Variants in CCDC57 observed in about 807,000 individuals in gnomAD.
The protein encoded by CCDC57 is coiled-coil domain containing 57, also known as coiled-coil domain-containing protein 57.
CCDC57 carries 118 observed loss-of-function variants against 118.9 expected under a neutral mutation model. The ratio of observed to expected loss-of-function variants is 0.99; its 90% CI spans 0.86 to 1.16. CCDC57 has a LOEUF of 1.16. Among genes scored for constraint, CCDC57 ranks in the 50% most tolerant of loss-of-function variants. The pLI is 0.00. For synonymous variants in CCDC57, 527 were observed against 532.9 expected (o/e 0.99, Z 0.15); for missense variants, 1,300 against 1,320.7 (o/e 0.98, Z 0.24).
chr17:82,116,507 T>C (rs1443333088), intron 19 of CCDC57, among the ~76,000 whole-genome samples: 1 of 151,764 alleles, frequency 6.6e-6, no homozygotes, highest in Non-Finnish European at 1.5e-5. Context: ...GCCGAATTCC[T>C]CAGAAGCTCT....
intron 19 of CCDC57, among the ~76,000 whole-genome samples, chr17:82,104,207 C>G (rs895160650): frequency 1.2e-4 from 18 of 152,378 alleles, no homozygotes; most frequent in Admixed American, 3.3e-4. Context: ...TTTTGCCGAG[C>G]CTGGCCGGGA....
intron 16 of CCDC57, among the ~76,000 whole-genome samples, chr17:82,141,597 C>A (rs2040019354): frequency 6.6e-6 from 1 of 152,190 alleles, no homozygotes. Context: ...TCTCGCTGCA[C>A]CTATGGAAAT....
chr17:82,206,659 G>GT (rs767495030), intron 2 of CCDC57, among the ~76,000 whole-genome samples: 31 of 152,138 alleles, frequency 2.0e-4, no homozygotes, highest in Middle Eastern at 6.8e-3. Context: ...ACTGTTACAC[G>GT]TATGTGTTTC....
At chr17:82,107,162 G>A (rs1042586283) in intron 19 of CCDC57, among the ~76,000 whole-genome samples, 2 of 152,228 alleles carry the variant, frequency 1.3e-5, no homozygotes, top group Admixed American at 1.3e-4. Context: ...CCACATGCCT[G>A]GCCAAAGGCC....
At chr17:82,102,057 C>T (rs1354899306) in intron 19 of CCDC57, among the ~76,000 whole-genome samples, 191 bp from the exon 19 acceptor site, 1 of 152,248 alleles carries the variant, frequency 6.6e-6, no homozygotes, top group Non-Finnish European at 1.5e-5. Flanking sequence ...GAGCTGTGGC[C>T]TCGCCTTGCT....
chr17:82,161,838 G>C (rs564798464), intron 14 of CCDC57, among the ~76,000 whole-genome samples: 3 of 152,218 alleles, frequency 2.0e-5, no homozygotes, highest in South Asian at 4.2e-4. Flanking sequence ...GCGACATTGT[G>C]AATGTGCTTA....
intron 16 of CCDC57, among the ~76,000 whole-genome samples, chr17:82,151,127 G>A (rs1177172286): frequency 1.9e-4 from 18 of 95,614 alleles, no homozygotes; most frequent in African/African-American, 2.9e-4. Flanking sequence ...AGAACCAGGC[G>A]CACACCCAGA....
At chr17:82,144,535 C>G (rs951624377) in intron 16 of CCDC57, among the ~76,000 whole-genome samples, 10 of 152,142 alleles carry the variant, frequency 6.6e-5, no homozygotes, top group African/African-American at 2.2e-4. Context: ...GAGTATAAAG[C>G]CTTGTGTCCG....
chr17:82,201,796 A>T (rs774978936), exon 3 of CCDC57: 6 of 1,613,582 alleles, frequency 3.7e-6, no homozygotes, highest in Non-Finnish European at 5.1e-6. Flanking sequence ...CAGGCACCGC[A>T]GTTTCCCCTG....
chr17:82,179,028 T>C, exon 10 of CCDC57: 2 of 1,613,450 alleles, frequency 1.2e-6, no homozygotes, highest in African/African-American at 2.7e-5. Context: ...CGCACACACC[T>C]GACTTTTTGC....
chr17:82,162,935 G>C lies in CCDC57; in HGVS notation c.2040+265C>G, dbSNP rs565406367. On this transcript the variant is annotated intron_variant, in intron 14 of 19. Transcript: ENST00000665763. ...ACCCCTCTGAGCGGGCACAGCCAGG[G>C]CCTGGTGTTCTGGCCGCCAGTGCTG... 6.6e-5 allele frequency among the ~76,000 whole-genome samples: 10 copies of C among 152,298 alleles called. No individual in the cohort carries two copies. In the South Asian group the frequency reaches 2.1e-3, roughly 32 times the overall value.
At chr17:82,200,789 T>C (rs139922684) in intron 3 of CCDC57, among the ~76,000 whole-genome samples, 8 of 151,724 alleles carry the variant, frequency 5.3e-5, no homozygotes, top group African/African-American at 1.9e-4. Context: ...CTAAAAACTC[T>C]GTCTCAAAAA....
At chr17:82,101,858 C>T (rs1408114709) in exon 20 of CCDC57, 7 of 1,572,448 alleles carry the variant, frequency 4.5e-6, no homozygotes, top group Middle Eastern at 1.7e-4. Flanking sequence ...GCTGGAGGAG[C>T]TGGGAGCTCT....
chr17:82,149,674 G>A (rs921848240), intron 16 of CCDC57, among the ~76,000 whole-genome samples: 2 of 151,876 alleles, frequency 1.3e-5, no homozygotes, highest in African/African-American at 4.8e-5. Context: ...GTGCTCCTTC[G>A]GGCCTTCCTG....
At position 82,138,542 on chromosome 17, in the gene CCDC57, G is replaced by GA. The variant is rs1426291421; in HGVS notation, c.2456-4349dup. Among the ~76,000 whole-genome samples the GA allele has an allele frequency of 1.6e-3, 231 of 147,716 alleles. 2 individuals carry two copies. The highest frequency in any genetic ancestry group is 4.2e-3 in the African/African-American group (168 of 40,344). On this transcript the variant is annotated intron_variant, in intron 16 of 19. Transcript: ENST00000665763. ...AGCCTGCATGACAGAGGTCTCTATCGAAAAAAAAAAGTAAAAAGAAAAAAG... is the reference window on the plus strand; with the variant it reads ...AGCCTGCATGACAGAGGTCTCTATCGAAAAAAAAAAAGTAAAAAGAAAAAAG...
intron 4 of CCDC57, among the ~76,000 whole-genome samples, chr17:82,196,587 G>A (rs1440914164): frequency 6.6e-6 from 1 of 152,140 alleles, no homozygotes; most frequent in Non-Finnish European, 1.5e-5. Flanking sequence ...ACATCCGACA[G>A]GACCAGAGAG....
exon 20 of CCDC57, chr17:82,101,857 G>C: frequency 1.9e-6 from 3 of 1,574,582 alleles, no homozygotes; most frequent in Non-Finnish European, 2.6e-6. Flanking sequence ...TGCTGGAGGA[G>C]CTGGGAGCTC....
At chr17:82,178,329 C>T (rs1221402357) in intron 11 of CCDC57, 145 bp downstream of exon 10, 30 of 954,598 alleles carry the variant, frequency 3.1e-5, no homozygotes, top group Non-Finnish European at 4.4e-5. Flanking sequence ...AAGCTTCTGA[C>T]TCACCCTTGT....
At chr17:82,150,445 A>G (rs1195344417) in intron 16 of CCDC57, among the ~76,000 whole-genome samples, 2 of 144,846 alleles carry the variant, frequency 1.4e-5, no homozygotes, top group African/African-American at 5.2e-5. Flanking sequence ...AACCAGGCAC[A>G]CACCCAGAAC....
Sources: gnomAD v4.1 joint callset for allele counts (sites outside exome capture counted in the v4.1 genomes callset) on GRCh38, gnomAD v4.1.1 for gene constraint, MANE v1.5 for transcripts, NCBI Gene and HGNC (gene_info 2026-07-23, HGNC 2026-07-21) for gene names.